Variants in DOCK3 observed in about 807,000 individuals in gnomAD.
DOCK3 encodes the protein dedicator of cytokinesis 3.
A neutral mutation model predicts 265.6 loss-of-function variants in DOCK3; 60 were observed. That is an observed-to-expected ratio of 0.23 (90% CI 0.18 to 0.28). The LOEUF (loss-of-function observed/expected upper bound fraction) is 0.28. DOCK3 is among the 10% of genes least tolerant of loss of function. DOCK3 has a pLI of 1.00. For synonymous variants in DOCK3, 881 were observed against 938.0 expected, an observed-to-expected ratio of 0.94 and a Z score of 1.11; for missense variants, 1,981 against 2,594.3, an observed-to-expected ratio of 0.76 and a Z score of 5.14.
intron 21 of DOCK3, among the ~76,000 whole-genome samples, chr3:51,243,855 C>T (rs2078714282): frequency 6.6e-6 from 1 of 152,082 alleles, no homozygotes. Context: ...GTCTTTGATC[C>T]ACTTTGAGTT....
intron 9 of DOCK3, among the ~76,000 whole-genome samples, chr3:51,139,675 A>G (rs2084961188): frequency 6.6e-6 from 1 of 152,232 alleles, no homozygotes; most frequent in South Asian, 2.1e-4. Flanking sequence ...AAGAAAGAAA[A>G]TAATTAGTTT....
intron 27 of DOCK3, among the ~76,000 whole-genome samples, chr3:51,293,462 CT>C (rs1421691581): frequency 6.6e-6 from 1 of 152,116 alleles, no homozygotes; most frequent in Non-Finnish European, 1.5e-5. Flanking sequence ...TCTCACCCCC[CT>C]ATAGAAGAAT....
chr3:50,693,743 G>A (rs1166863882), intron 1 of DOCK3, among the ~76,000 whole-genome samples: 2 of 150,922 alleles, frequency 1.3e-5, no homozygotes, highest in African/African-American at 2.4e-5. Flanking sequence ...CACCATGTTG[G>A]CCAGGCTATT....
chr3:51,371,471 A>C (rs1448887915), intron 49 of DOCK3, among the ~76,000 whole-genome samples: 1 of 152,232 alleles, frequency 6.6e-6, no homozygotes, highest in Non-Finnish European at 1.5e-5. Flanking sequence ...GCACAGTGTT[A>C]GGCCCTGGGA....
chr3:50,978,410 G>A (rs36191383), intron 5 of DOCK3, among the ~76,000 whole-genome samples: 14,461 of 64,104 alleles, frequency 0.23, 859 homozygotes, highest in Non-Finnish European at 0.43. Flanking sequence ...GCCGTGTGAG[G>A]TGTCAGTGTG....
intron 5 of DOCK3, among the ~76,000 whole-genome samples, chr3:50,945,713 T>C (rs1462454726): frequency 6.6e-6 from 1 of 152,178 alleles, no homozygotes; most frequent in East Asian, 1.9e-4. Flanking sequence ...TTGTTAAAGA[T>C]TAAGAACATA....
chr3:50,778,675 T>C lies in DOCK3; in HGVS notation c.38T>C (p.Val13Ala), dbSNP rs2041745947. Reference sequence around the variant, plus strand: ...GGTGTGTTTATCCTTGCTTTTCTAGTGATATGCAGCTTTCGAGGATCTGTC... The same window carrying C: ...GGTGTGTTTATCCTTGCTTTTCTAGCGATATGCAGCTTTCGAGGATCTGTC... ...TPTEEEKYGV[V>A]ICSFRGSVPQ... Residue 13 changes from valine (V) to alanine (A), a missense_variant and splice_region_variant, in exon 2 of 53, where the codon GTG becomes GCG. By Grantham distance (64) the Val-to-Ala change is moderately conservative. Transcript: ENST00000266037. 6.3e-7 allele frequency: 1 copy of C among 1,580,202 alleles called. No homozygotes were observed. Among genetic ancestry groups the C allele is most frequent in the African/African-American group, 1.3e-5 (1 of 74,394 alleles).
At chr3:51,026,770 T>C (rs1375621193) in intron 5 of DOCK3, among the ~76,000 whole-genome samples, 1 of 152,160 alleles carries the variant, frequency 6.6e-6, no homozygotes, top group East Asian at 1.9e-4. Flanking sequence ...TTTGTGCACA[T>C]AGAGATTTTT....
intron 1 of DOCK3, among the ~76,000 whole-genome samples, chr3:50,694,150 A>T (rs1220051995): frequency 6.6e-6 from 1 of 151,972 alleles, no homozygotes; most frequent in Non-Finnish European, 1.5e-5. Flanking sequence ...GGCGCCTGTA[A>T]TCCCAGCTAC....
At chr3:51,225,821 A>G (rs1188159735) in intron 15 of DOCK3, 48 bp downstream of exon 15, 1 of 1,572,662 alleles carries the variant, frequency 6.4e-7, no homozygotes, top group Non-Finnish European at 8.6e-7. Flanking sequence ...ATCCTATAAT[A>G]ATTCTCTGTG....
At chr3:51,299,888 C>G (rs1295531598) in intron 27 of DOCK3, among the ~76,000 whole-genome samples, 1 of 152,170 alleles carries the variant, frequency 6.6e-6, no homozygotes, top group Non-Finnish European at 1.5e-5. Context: ...ATTATCTTGG[C>G]TATACGGGCT....
intron 9 of DOCK3, among the ~76,000 whole-genome samples, chr3:51,109,735 C>A (rs950357127): frequency 2.0e-5 from 3 of 151,946 alleles, no homozygotes; most frequent in African/African-American, 4.8e-5. Context: ...GAATTTGAGA[C>A]CAGCTTAGGC....
chr3:50,867,399 G>T (rs2047195219), intron 3 of DOCK3, among the ~76,000 whole-genome samples: 2 of 151,900 alleles, frequency 1.3e-5, no homozygotes, highest in African/African-American at 4.8e-5. Context: ...TTTCCAAATT[G>T]GATTCTCTGT....
intron 26 of DOCK3, chr3:51,278,044 G>T (rs1359516443): frequency 1.0e-6 from 1 of 985,268 alleles, no homozygotes; most frequent in African/African-American, 1.7e-5. Context: ...AATGAAGCTG[G>T]GATGTATGTA....
At chr3:50,845,071 A>T (rs1446997344) in intron 3 of DOCK3, among the ~76,000 whole-genome samples, 1 of 152,220 alleles carries the variant, frequency 6.6e-6, no homozygotes, top group South Asian at 2.1e-4. Context: ...AAAAGTACAA[A>T]AATTAGCCTG....
chr3:50,970,976 A>AT (rs1407455376), intron 5 of DOCK3, among the ~76,000 whole-genome samples: 566 of 25,032 alleles, frequency 0.023, 17 homozygotes, highest in African/African-American at 0.052. Context: ...GTATATATAT[A>AT]TATTTTTTTT....
At chr3:51,068,247 C>G (rs1349579242) in intron 6 of DOCK3, among the ~76,000 whole-genome samples, 1 of 152,044 alleles carries the variant, frequency 6.6e-6, no homozygotes, top group African/African-American at 2.4e-5. Flanking sequence ...TAACGAAATG[C>G]TACTATGCCT....
intron 27 of DOCK3, among the ~76,000 whole-genome samples, chr3:51,291,578 A>C (rs1479737189): frequency 6.6e-6 from 1 of 152,216 alleles, no homozygotes; most frequent in Non-Finnish European, 1.5e-5. Context: ...CAGACTAATA[A>C]CTAGTAAAGA....
chr3:51,308,317 A>G lies in DOCK3; in HGVS notation c.2923-1915A>G, dbSNP rs2082823876. Reference sequence around the variant, plus strand: ...AATAGTGGAGGGAAGGTCAGCAGATAAACAAGTGAACAAAGGTCTCTGGTT... The same window carrying G: ...AATAGTGGAGGGAAGGTCAGCAGATGAACAAGTGAACAAAGGTCTCTGGTT... On this transcript the variant is annotated intron_variant, in intron 27 of 52. Coordinates refer to ENST00000266037, the MANE Select transcript of DOCK3 (RefSeq NM_004947.5). Among the ~76,000 whole-genome samples the G allele has an allele frequency of 2.0e-5, 3 of 151,148 alleles. No homozygotes were observed. The South Asian group carries it at 6.3e-4, about 32-fold the overall frequency.
Sources: gnomAD v4.1 joint callset for allele counts (sites outside exome capture counted in the v4.1 genomes callset) on GRCh38, gnomAD v4.1.1 for gene constraint, MANE v1.5 for transcripts, NCBI Gene and HGNC (gene_info 2026-07-23, HGNC 2026-07-21) for gene names.